Variants in SRBD1 observed in about 807,000 individuals in gnomAD.
The protein encoded by SRBD1 is S1 RNA binding domain 1, also known as S1 RNA-binding domain-containing protein 1.
In SRBD1, 88 loss-of-function variants were observed where a neutral mutation model predicts 115.3. The observed-to-expected ratio is 0.76, with a 90% CI of 0.64 to 0.91. The LOEUF is 0.91. Ranked by LOEUF, SRBD1 falls within the 40% of genes least tolerant of loss-of-function variation. The probability of loss-of-function intolerance (pLI) is 0.00; values close to 1 mark genes in which losing one functional copy is unlikely to be tolerated. For synonymous variants in SRBD1, 509 were observed against 407.7 expected (o/e 1.25, Z -2.99); for missense variants, 1,385 against 1,177.4 (o/e 1.18, Z -2.58).
chr2:45,546,092 T>A, intron 14 of SRBD1: 1 of 881,152 alleles, frequency 1.1e-6, no homozygotes, highest in Non-Finnish European at 1.4e-6. Flanking sequence ...CTACTATAGT[T>A]TGGAAAAGGA....
At chr2:45,535,391 T>C (rs1331526746) in intron 14 of SRBD1, among the ~76,000 whole-genome samples, 1 of 152,040 alleles carries the variant, frequency 6.6e-6, no homozygotes, top group Non-Finnish European at 1.5e-5. Flanking sequence ...CAGTGGTTAT[T>C]TTTCTACTGT....
At chr2:45,590,191 G>A (rs568941976) in intron 4 of SRBD1, among the ~76,000 whole-genome samples, 4 of 152,296 alleles carry the variant, frequency 2.6e-5, no homozygotes, top group East Asian at 1.9e-4. Context: ...TTATTACAGC[G>A]AAAGAGATCT....
intron 10 of SRBD1, among the ~76,000 whole-genome samples, chr2:45,555,488 C>CTTTT (rs35646522): frequency 4.1e-5 from 5 of 121,380 alleles, no homozygotes; most frequent in African/African-American, 9.5e-5. Context: ...TCATTAAACC[C>CTTTT]TTTTTTTTTT....
intron 2 of SRBD1, among the ~76,000 whole-genome samples, chr2:45,604,432 C>T (rs534746542): frequency 5.3e-5 from 8 of 152,056 alleles, no homozygotes; most frequent in Non-Finnish European, 8.8e-5. Flanking sequence ...TGAGGGATTC[C>T]AACATTTAGA....
At chr2:45,437,415 T>C (rs1223733840) in intron 16 of SRBD1, among the ~76,000 whole-genome samples, 2 of 143,618 alleles carry the variant, frequency 1.4e-5, no homozygotes, top group African/African-American at 5.2e-5. Flanking sequence ...AAAAGACCCA[T>C]ATACATAGAG....
At chr2:45,607,836 T>C (rs1674320317) in intron 1 of SRBD1, among the ~76,000 whole-genome samples, 1 of 152,176 alleles carries the variant, frequency 6.6e-6, no homozygotes, top group Non-Finnish European at 1.5e-5. Context: ...ATGGGAACCA[T>C]ACAGACTGAA....
chr2:45,484,508 AGTC>A (rs987634951), intron 15 of SRBD1, among the ~76,000 whole-genome samples: 1 of 152,198 alleles, frequency 6.6e-6, no homozygotes, highest in African/African-American at 2.4e-5. Context: ...ACAAATCCCC[AGTC>A]TTCTGCAAAG....
At chr2:45,505,038 A>C (rs1320387191) in intron 14 of SRBD1, among the ~76,000 whole-genome samples, 3 of 151,882 alleles carry the variant, frequency 2.0e-5, no homozygotes, top group African/African-American at 7.3e-5. Context: ...AAGGAGAATA[A>C]GGACACATAA....
intron 14 of SRBD1, among the ~76,000 whole-genome samples, chr2:45,516,845 T>C (rs1039913779): frequency 2.6e-5 from 4 of 152,178 alleles, no homozygotes; most frequent in African/African-American, 9.7e-5. Flanking sequence ...TTAGAATCCA[T>C]AGGTTCTGGT....
At chr2:45,454,635 T>C (rs1382419496) in intron 16 of SRBD1, among the ~76,000 whole-genome samples, 1 of 151,798 alleles carries the variant, frequency 6.6e-6, no homozygotes, top group East Asian at 1.9e-4. Context: ...ACACTCTGCT[T>C]GCAGGTAAAA....
intron 14 of SRBD1, among the ~76,000 whole-genome samples, chr2:45,512,848 G>A (rs1037672541): frequency 2.8e-4 from 43 of 151,888 alleles, no homozygotes; most frequent in African/African-American, 1.0e-3. Flanking sequence ...ATTATTCCTA[G>A]GCTAGTCATG....
At chr2:45,500,905 C>A (rs1427510169) in intron 14 of SRBD1, among the ~76,000 whole-genome samples, 2 of 152,150 alleles carry the variant, frequency 1.3e-5, no homozygotes, top group African/African-American at 2.4e-5. Flanking sequence ...TGCCTAAATG[C>A]TCTGGCTAGG....
chr2:45,423,376 A>C (rs1023637606), intron 16 of SRBD1, among the ~76,000 whole-genome samples: 1 of 152,226 alleles, frequency 6.6e-6, no homozygotes, highest in African/African-American at 2.4e-5. Flanking sequence ...AACTTCACAT[A>C]AAATTAAATC....
intron 16 of SRBD1, among the ~76,000 whole-genome samples, chr2:45,465,028 C>CAT (rs1433052972): frequency 1.4e-5 from 2 of 143,722 alleles, no homozygotes; most frequent in African/African-American, 5.1e-5. Flanking sequence ...CACACACACA[C>CAT]ACACACACAC....
chr2:45,408,213 A>C (rs1380727410), intron 19 of SRBD1, among the ~76,000 whole-genome samples: 2 of 152,180 alleles, frequency 1.3e-5, no homozygotes, highest in Non-Finnish European at 2.9e-5. Context: ...CTGGGAAGAC[A>C]CTTGTGTGAG....
chr2:45,448,673 C>G (rs530833301), intron 16 of SRBD1, among the ~76,000 whole-genome samples: 1 of 152,136 alleles, frequency 6.6e-6, no homozygotes, highest in Non-Finnish European at 1.5e-5. Flanking sequence ...GTGGAATAGA[C>G]CTGCAGATAA....
intron 14 of SRBD1, among the ~76,000 whole-genome samples, chr2:45,488,760 GGACATATGTGTGGATATGTGCACATGCA>G (rs1309932809): frequency 6.6e-6 from 1 of 151,826 alleles, no homozygotes; most frequent in Non-Finnish European, 1.5e-5. Flanking sequence ...AAAAGCATAT[GGACATATGTGTGGATATGTGCACATGCA>G]GACATACAAA....
At chr2:45,432,519 A>G (rs1210213033) in intron 16 of SRBD1, among the ~76,000 whole-genome samples, 1 of 152,198 alleles carries the variant, frequency 6.6e-6, no homozygotes, top group Admixed American at 6.5e-5. Flanking sequence ...AAAGTATAGA[A>G]AAAATCATAT....
At chr2:45,468,415 T>A (rs1669555074) in intron 16 of SRBD1, among the ~76,000 whole-genome samples, 1 of 150,234 alleles carries the variant, frequency 6.7e-6, no homozygotes. Context: ...TGACACAGGG[T>A]CTCACTCTGT....
Sources: gnomAD v4.1 joint callset for allele counts (sites outside exome capture counted in the v4.1 genomes callset) on GRCh38, gnomAD v4.1.1 for gene constraint, MANE v1.5 for transcripts, NCBI Gene and HGNC (gene_info 2026-07-23, HGNC 2026-07-21) for gene names.